SHISAL1: variants seen among roughly 807,000 people sequenced by gnomAD.
SHISAL1 encodes protein shisa-like-1.
Under a neutral mutation model 22.6 loss-of-function variants are expected in SHISAL1, and 9 were observed. That is an observed-to-expected ratio of 0.40 (90% CI 0.24 to 0.70). SHISAL1 has a LOEUF of 0.70. SHISAL1 is among the 30% of genes least tolerant of loss of function. The probability of loss-of-function intolerance (pLI) is 0.39; values close to 1 mark genes in which losing one functional copy is unlikely to be tolerated. For synonymous variants in SHISAL1, 119 were observed against 115.4 expected, an observed-to-expected ratio of 1.03 and a Z score of -0.20; for missense variants, 246 against 270.6, an observed-to-expected ratio of 0.91 and a Z score of 0.64.
rs149288720 is a variant in SHISAL1 at position 44,259,777 on chromosome 22, G to C, written c.*-10092C>G. On this transcript the variant is annotated intron_variant, in intron 4 of 4. Transcript: ENST00000381176. ...CCACAATGTCAGAATTTCAGCTTAGGGGGGCTTGCAATCGAGCGTCCAATT... is the reference window on the plus strand; with the variant it reads ...CCACAATGTCAGAATTTCAGCTTAGCGGGGCTTGCAATCGAGCGTCCAATT... 2.0e-5 allele frequency among the ~76,000 whole-genome samples: 3 copies of C among 152,282 alleles called. No individual in the cohort carries two copies. The East Asian group carries it at 5.8e-4, about 29-fold the overall frequency.
intron 1 of SHISAL1, among the ~76,000 whole-genome samples, chr22:44,301,802 A>G (rs904924166): frequency 8.5e-5 from 13 of 152,206 alleles, no homozygotes; most frequent in African/African-American, 3.1e-4. Context: ...GCAAGGCACA[A>G]AAGAACACAG....
rs528801038 is a variant in SHISAL1 at position 44,270,538 on chromosome 22, C to T, written c.599+14890G>A. On this transcript the variant is annotated intron_variant, in intron 4 of 4. Transcript: ENST00000381176. ...GGGCAGTGAAGGTCCAGAGGGGGAC[C>T]TTGGAGGCTTACAGAAGGGACACTC... 1.0e-3 allele frequency among the ~76,000 whole-genome samples: 158 copies of T among 152,264 alleles called. 1 individual carries two copies. Among genetic ancestry groups the T allele is most frequent in the African/African-American group, 3.6e-3 (150 of 41,560 alleles).
At chr22:44,330,311 GC>G in the SHISAL1 span, among the ~76,000 whole-genome samples, 1 of 152,260 alleles carries the variant, frequency 6.6e-6, no homozygotes, top group Admixed American at 6.5e-5. Context: ...AGGTCACACA[GC>G]CGTGGAGAGG....
chr22:44,331,628 T>TG, the SHISAL1 span, among the ~76,000 whole-genome samples: 2 of 147,926 alleles, frequency 1.4e-5, no homozygotes, highest in African/African-American at 2.5e-5. This position sits in a 1 kb window ranked among gnomAD's most constrained non-coding sequence, Gnocchi z 5.2. Flanking sequence ...GTCCGGGTTC[T>TG]GGGGGCTGCG....
chr22:44,251,215 G>C (rs1235977466), intron 4 of SHISAL1, among the ~76,000 whole-genome samples: 1 of 152,176 alleles, frequency 6.6e-6, no homozygotes, highest in Non-Finnish European at 1.5e-5. Flanking sequence ...CATTGCCAGG[G>C]CCTAGAACAG....
intron 3 of SHISAL1, among the ~76,000 whole-genome samples, chr22:44,289,610 G>C (rs1391180038): frequency 2.0e-5 from 3 of 152,334 alleles, no homozygotes; most frequent in East Asian, 3.9e-4. Context: ...TGCCTGCCGG[G>C]GGGTGTTGCC....
At chr22:44,272,785 T>A (rs1446380177) in intron 4 of SHISAL1, among the ~76,000 whole-genome samples, 5 of 152,164 alleles carry the variant, frequency 3.3e-5, no homozygotes, top group African/African-American at 4.8e-5. Context: ...TCTGTGGGTG[T>A]CCCTGGAAAC....
At chr22:44,313,689 T>G (rs915978851), upstream of SHISAL1, among the ~76,000 whole-genome samples, 4 of 152,084 alleles carry the variant, frequency 2.6e-5, no homozygotes, top group African/African-American at 7.2e-5. Flanking sequence ...CCCCAGCCCA[T>G]GGCCGTCTCC....
chr22:44,326,036 C>T, the SHISAL1 span, among the ~76,000 whole-genome samples: 18 of 152,044 alleles, frequency 1.2e-4, no homozygotes. Flanking sequence ...TTTCAAATCG[C>T]CCCTCCTCGC....
intron 4 of SHISAL1, among the ~76,000 whole-genome samples, chr22:44,254,133 T>G (rs1221376024): frequency 1.3e-5 from 2 of 151,956 alleles, no homozygotes; most frequent in East Asian, 1.9e-4. Context: ...TTTAAGGACC[T>G]GTGGGATGCA....
the SHISAL1 span, among the ~76,000 whole-genome samples, chr22:44,330,142 A>G: frequency 5.3e-5 from 8 of 152,250 alleles, no homozygotes; most frequent in African/African-American, 1.9e-4. Flanking sequence ...GTCCAGAGAC[A>G]TGTGGACAGC....
Position 44,290,545 on chromosome 22 carries a change from C to CAAAAAAAAA in SHISAL1, c.282-4801_282-4800insTTTTTTTTT, listed in dbSNP as rs1449806143. Among the ~76,000 whole-genome samples, 79 of 123,472 alleles carry CAAAAAAAAA rather than the reference C, an allele frequency of 6.4e-4. 1 individual carries two copies. Among genetic ancestry groups the CAAAAAAAAA allele is most frequent in the African/African-American group, 2.2e-3 (73 of 32,840 alleles). 81.0% of individuals were successfully genotyped at this position (123,472 alleles called of 152,430 possible). On this transcript the variant is annotated intron_variant, in intron 3 of 4. Transcript: ENST00000381176. ...ACTCAGTCTCAAAAAAAAAAAAAAA[C>CAAAAAAAAA]AAAAAACGGGAGTATGGAGCCCATT...
At chr22:44,256,738 G>A (rs892670065) in intron 4 of SHISAL1, among the ~76,000 whole-genome samples, 2 of 151,930 alleles carry the variant, frequency 1.3e-5, no homozygotes, top group African/African-American at 4.8e-5. Flanking sequence ...GGCCAATAAC[G>A]ATGCCTGGCA....
chr22:44,325,356 C>T, the SHISAL1 span, among the ~76,000 whole-genome samples: 8 of 152,186 alleles, frequency 5.3e-5, no homozygotes, highest in Admixed American at 5.2e-4. Flanking sequence ...CAGAGAGAGG[C>T]TCCATCAGCA....
At chr22:44,268,436 G>C (rs149886391) in intron 4 of SHISAL1, among the ~76,000 whole-genome samples, 1 of 152,306 alleles carries the variant, frequency 6.6e-6, no homozygotes, top group African/African-American at 2.4e-5. Context: ...AGATGACTTA[G>C]AAGGCGCAGT....
intron 1 of SHISAL1, among the ~76,000 whole-genome samples, chr22:44,308,168 T>C (rs868772642): frequency 3.9e-4 from 59 of 152,304 alleles, no homozygotes; most frequent in African/African-American, 1.4e-3. Context: ...AGCCCTAGAA[T>C]GGGGACCAAC....
intron 4 of SHISAL1, among the ~76,000 whole-genome samples, chr22:44,277,268 G>A (rs1015306615): frequency 2.6e-5 from 4 of 152,226 alleles, no homozygotes; most frequent in East Asian, 3.9e-4. Flanking sequence ...GCCTTTCCGC[G>A]TTTCCTCTCA....
intron 4 of SHISAL1, among the ~76,000 whole-genome samples, chr22:44,269,533 AC>A (rs1465513990): frequency 9.4e-5 from 14 of 148,808 alleles, no homozygotes; most frequent in Non-Finnish European, 1.8e-4. Flanking sequence ...CAATATACAC[AC>A]ACACCATGCC....
the SHISAL1 span, among the ~76,000 whole-genome samples, chr22:44,322,361 C>T: frequency 1.0e-3 from 152 of 152,308 alleles, no homozygotes; most frequent in African/African-American, 3.6e-3. Flanking sequence ...GGAGGTGCTG[C>T]CTCACTGCCC....
Sources: allele counts gnomAD v4.1 joint callset (sites outside exome capture counted in the v4.1 genomes callset), GRCh38; gene constraint gnomAD v4.1.1; non-coding constraint Gnocchi (gnomAD v3.1); transcripts MANE v1.5; gene names NCBI Gene and HGNC (gene_info 2026-07-23, HGNC 2026-07-21).